Variants in TCF4 observed in about 807,000 individuals in gnomAD.
TCF4 encodes the protein SL3-3 enhancer factor 2.
In TCF4, 3 loss-of-function variants were observed where a neutral mutation model predicts 82.1. That is an observed-to-expected ratio of 0.04 (90% CI 0.02 to 0.09). TCF4 has a LOEUF of 0.09. Among genes scored for constraint, TCF4 ranks in the 10% least tolerant of loss-of-function variants. The probability of loss-of-function intolerance (pLI) is 1.00; values close to 1 mark genes in which losing one functional copy is unlikely to be tolerated. For missense variants in TCF4, 518 were observed against 852.7 expected (o/e 0.61, Z 4.89); for synonymous variants, 276 against 309.6 (o/e 0.89, Z 1.14).
At chr18:55,504,326 C>A (rs953078297) in intron 3 of TCF4, among the ~76,000 whole-genome samples, 1 of 152,220 alleles carries the variant, frequency 6.6e-6, no homozygotes, top group Non-Finnish European at 1.5e-5. Context: ...TCCTTGAATG[C>A]TCACAACAGT....
At chr18:55,445,321 T>G (rs891840483) in intron 5 of TCF4, among the ~76,000 whole-genome samples, 4 of 151,934 alleles carry the variant, frequency 2.6e-5, no homozygotes, top group African/African-American at 4.8e-5. Context: ...ATGGTACAAT[T>G]TATAGATTTT....
At chr18:55,589,835 C>T (rs942563114), upstream of TCF4, 5 of 1,004,902 alleles carry the variant, frequency 5.0e-6, no homozygotes, top group East Asian at 2.3e-4. Flanking sequence ...CGCGGCTGCT[C>T]CTCCAGACAA....
intron 8 of TCF4, chr18:55,322,216 T>A: frequency 9.5e-7 from 1 of 1,056,098 alleles, no homozygotes; most frequent in Non-Finnish European, 1.1e-6. Flanking sequence ...TTGAGCAGAA[T>A]ACAAATGCAG....
chr18:55,382,707 A>C (rs920742193), intron 6 of TCF4, among the ~76,000 whole-genome samples: 1 of 152,200 alleles, frequency 6.6e-6, no homozygotes, highest in Non-Finnish European at 1.5e-5. Context: ...AAATAAGAAA[A>C]AAAGAGTTAA....
In TCF4 at chr18:55,510,448, A is replaced by AC. The variant is rs57391200; in HGVS notation, c.146-46312dup. On this transcript the variant is annotated intron_variant, in intron 3 of 19. Transcript: ENST00000354452. Reference sequence around the variant, plus strand: ...CCAAAATCCTGAACCATGCATTTCAACCTAGAAGCCTTTGTAAAAACCCCA... The same window carrying AC: ...CCAAAATCCTGAACCATGCATTTCAACCCTAGAAGCCTTTGTAAAAACCCCA... 4,154 of 598,494 alleles carry AC rather than the reference A, an allele frequency of 6.9e-3. 301 individuals are homozygous for AC. In the East Asian group the frequency reaches 0.13, roughly 19 times the overall value. The allele number at this position is 598,494 out of a possible 1,614,324, so 37.1% of individuals were successfully genotyped here. A position where few individuals can be genotyped will look rare whatever the true frequency, so the allele number is the denominator to read the frequency against.
chr18:55,426,100 T>TAA (rs1491500526), intron 5 of TCF4, among the ~76,000 whole-genome samples: 1 of 89,308 alleles, frequency 1.1e-5, no homozygotes, highest in Non-Finnish European at 2.1e-5. Flanking sequence ...CAAAAAATTT[T>TAA]ATATATATAT....
At chr18:55,377,981 T>C (rs1392811161) in intron 6 of TCF4, among the ~76,000 whole-genome samples, 1 of 152,228 alleles carries the variant, frequency 6.6e-6, no homozygotes, top group Non-Finnish European at 1.5e-5. Flanking sequence ...TTGTAACTTT[T>C]TATTAATGTT....
intron 8 of TCF4, among the ~76,000 whole-genome samples, chr18:55,303,348 T>G (rs1261242): frequency 1.3e-5 from 2 of 151,940 alleles, no homozygotes; most frequent in Non-Finnish European, 2.9e-5. Context: ...CTTTCCCTCC[T>G]GAAAGTTTAT....
At chr18:55,347,427 C>G (rs1392012125) in intron 8 of TCF4, among the ~76,000 whole-genome samples, 3 of 152,168 alleles carry the variant, frequency 2.0e-5, no homozygotes, top group Middle Eastern at 6.3e-3. Flanking sequence ...GTCCTGTAGA[C>G]CCTGCCTGGT....
chr18:55,485,481 T>C (rs1039272189), intron 3 of TCF4, among the ~76,000 whole-genome samples: 20 of 152,152 alleles, frequency 1.3e-4, no homozygotes, highest in African/African-American at 4.6e-4. Context: ...AGAAGCATCA[T>C]TTTCAGGAAA....
rs893998223 is a variant in TCF4, at chr18:55,618,582, T to A, written c.286+12716A>T. Among the ~76,000 whole-genome samples the A allele has an allele frequency of 4.9e-4, 75 of 152,164 alleles. 1 individual carries two copies. Among genetic ancestry groups the A allele is most frequent in the African/African-American group, 1.7e-3 (71 of 41,536 alleles). On this transcript the variant is annotated intron_variant, in intron 2 of 20. Coordinates refer to the TCF4 transcript ENST00000398339. ...TTCTACAATTTTTCTTTTCTCTTTT[T>A]TTTTTGTTTGTTTTTTTGAGACAGG...
At chr18:55,471,861 A>C (rs1176092557) in intron 3 of TCF4, among the ~76,000 whole-genome samples, 1 of 152,204 alleles carries the variant, frequency 6.6e-6, no homozygotes, top group Non-Finnish European at 1.5e-5. Context: ...TCTCAGAGCT[A>C]ATGGATTTCC....
rs1453359876 is a variant in TCF4 at position 55,225,011 on chromosome 18, T to C, written c.*3024A>G. ...TTGAAAATCCAGTGCAGGATACCAATATCTTACCTGGGTTTGATAATTACA... is the reference window on the plus strand; with the variant it reads ...TTGAAAATCCAGTGCAGGATACCAACATCTTACCTGGGTTTGATAATTACA... On this transcript the variant is annotated 3_prime_UTR_variant, in exon 20 of 20. Coordinates refer to ENST00000354452, the MANE Select transcript of TCF4 (RefSeq NM_001083962.2). The C allele has an allele frequency of 4.6e-5, 7 of 152,196 alleles. No homozygotes were observed. The highest frequency in any genetic ancestry group is 6.6e-5 in the Admixed American group (1 of 15,260). The allele number at this position is 152,196 out of a possible 1,614,324, so 9.4% of individuals were successfully genotyped here.
chr18:55,234,061 G>T (rs768894767), intron 16 of TCF4, among the ~76,000 whole-genome samples: 1 of 152,196 alleles, frequency 6.6e-6, no homozygotes, highest in East Asian at 1.9e-4. Flanking sequence ...ATGAAAAGCC[G>T]CTCGTAATCA....
rs1394432817 is a variant in TCF4 at position 55,224,998 on chromosome 18, T to C, written c.*3037A>G. ...TGCTGAACTTCATTTGAAAATCCAG[T>C]GCAGGATACCAATATCTTACCTGGG... On this transcript the variant is annotated 3_prime_UTR_variant, in exon 20 of 20. Coordinates refer to ENST00000354452, the MANE Select transcript of TCF4 (RefSeq NM_001083962.2). The C allele has an allele frequency of 1.3e-5, 2 of 152,160 alleles. No individual in the cohort carries two copies. The highest frequency in any genetic ancestry group is 3.8e-4 in the East Asian group (2 of 5,206). The allele number at this position is 152,160 out of a possible 1,614,324, so 9.4% of individuals were successfully genotyped here. A position where few individuals can be genotyped will look rare whatever the true frequency, so the allele number is the denominator to read the frequency against.
At chr18:55,557,196 C>A (rs964797034) in intron 3 of TCF4, among the ~76,000 whole-genome samples, 1 of 152,140 alleles carries the variant, frequency 6.6e-6, no homozygotes, top group Admixed American at 6.6e-5. Flanking sequence ...CAAATCGATG[C>A]TTAAAAGCAT....
chr18:55,321,361 TTA>T, intron 8 of TCF4: 2 of 382,752 alleles, frequency 5.2e-6, no homozygotes, highest in Non-Finnish European at 4.8e-6. Flanking sequence ...CCAAAACTCT[TTA>T]AAAAAAAAAA....
intron 8 of TCF4, among the ~76,000 whole-genome samples, chr18:55,300,095 G>GAT (rs1048785505): frequency 1.6e-4 from 23 of 145,566 alleles, no homozygotes; most frequent in Middle Eastern, 3.4e-3. Flanking sequence ...CACACATACA[G>GAT]ATATACACAC....
At chr18:55,472,742 G>GA (rs57590678) in intron 3 of TCF4, among the ~76,000 whole-genome samples, 16,803 of 150,130 alleles carry the variant, frequency 0.11, 1,219 homozygotes, top group South Asian at 0.21. Flanking sequence ...TGAAGACTTT[G>GA]AAAAAAAAAT....
Sources: gnomAD v4.1 joint callset for allele counts (sites outside exome capture counted in the v4.1 genomes callset) on GRCh38, gnomAD v4.1.1 for gene constraint, MANE v1.5 for transcripts, NCBI Gene and HGNC (gene_info 2026-07-23, HGNC 2026-07-21) for gene names.